The following CUX2 variants were observed in gnomAD, a reference collection of about 807,000 sequenced individuals.
The protein encoded by CUX2 is cut like homeobox 2.
Under a neutral mutation model 144.8 loss-of-function variants are expected in CUX2, and 40 were observed. The ratio of observed to expected loss-of-function variants is 0.28; its 90% CI spans 0.21 to 0.36. The LOEUF (loss-of-function observed/expected upper bound fraction) is 0.36, where lower values mean the gene tolerates loss of function less well. CUX2 is among the 10% of genes least tolerant of loss of function. The pLI is 1.00. For missense variants in CUX2, 1,615 were observed against 1,994.0 expected (o/e 0.81, Z 3.62); for synonymous variants, 827 against 875.6 (o/e 0.94, Z 0.98).
intron 1 of CUX2, among the ~76,000 whole-genome samples, chr12:111,192,916 G>A (rs1566286197): frequency 6.6e-6 from 1 of 152,224 alleles, no homozygotes; most frequent in Non-Finnish European, 1.5e-5. Flanking sequence ...CTTTAAACAT[G>A]TCTCAGTTTT....
intron 19 of CUX2, among the ~76,000 whole-genome samples, chr12:111,335,572 G>A (rs1228715832): frequency 1.3e-5 from 2 of 151,934 alleles, no homozygotes; most frequent in Non-Finnish European, 1.5e-5. Context: ...GTAGCCGGGT[G>A]TGGTGGCATG....
Position 111,255,048 on chromosome 12 carries a change from G to A in CUX2, c.223-8713G>A, listed in dbSNP as rs945009255. On this transcript the variant is annotated intron_variant, in intron 3 of 21. Coordinates refer to ENST00000261726, the MANE Select transcript of CUX2 (RefSeq NM_015267.4). The surrounding 1 kb of genome is among the most constrained non-coding windows in gnomAD (Gnocchi z 4.1). ...AGACGGGGTTTCACATGTTGGCCAG[G>A]CTGGTCTCGAACTCCTGACCACAGA... Among the ~76,000 whole-genome samples, 5 of 152,168 alleles carry A rather than the reference G, an allele frequency of 3.3e-5. No individual in the cohort carries two copies. The highest frequency in any genetic ancestry group is 1.2e-4 in the African/African-American group (5 of 41,432).
rs765553446 is a variant in CUX2 at position 111,334,434 on chromosome 12, C to T, written c.2927-7C>T. ...GTAACCACCTTCTCTTTCTCTGTGG[C>T]CCACAGCCAGTCCCACAGAACCAAG... On this transcript the variant is annotated splice_polypyrimidine_tract_variant and splice_region_variant and intron_variant, in intron 18 of 21. Coordinates refer to ENST00000261726, the MANE Select transcript of CUX2 (RefSeq NM_015267.4). The T allele has an allele frequency of 2.5e-6, 4 of 1,575,476 alleles. No individual in the cohort carries two copies. The highest frequency in any genetic ancestry group is 1.7e-6 in the Non-Finnish European group (2 of 1,161,514).
chr12:111,199,339 C>T (rs1252839309), intron 1 of CUX2, among the ~76,000 whole-genome samples: 2 of 152,186 alleles, frequency 1.3e-5, no homozygotes, highest in East Asian at 3.8e-4. Flanking sequence ...TTCTGTACTT[C>T]AGTACTACTC....
intron 1 of CUX2, among the ~76,000 whole-genome samples, chr12:111,188,743 C>A (rs547775888): frequency 1.3e-5 from 2 of 152,118 alleles, no homozygotes; most frequent in African/African-American, 4.8e-5. Flanking sequence ...TGGGAAGTCA[C>A]CCCTCTTGTC....
intron 1 of CUX2, among the ~76,000 whole-genome samples, chr12:111,065,219 A>C (rs551141091): frequency 6.6e-6 from 1 of 152,376 alleles, no homozygotes; most frequent in African/African-American, 2.4e-5. Context: ...ACAATGACTT[A>C]ACTCTGCCTT....
chr12:111,145,368 C>G (rs1470931839), intron 1 of CUX2, among the ~76,000 whole-genome samples: 1 of 152,198 alleles, frequency 6.6e-6, no homozygotes, highest in Non-Finnish European at 1.5e-5. Flanking sequence ...AAGCTTCATT[C>G]ATTTATCCAT....
chr12:111,228,256 G>A (rs1464964581), intron 3 of CUX2, among the ~76,000 whole-genome samples: 1 of 152,200 alleles, frequency 6.6e-6, no homozygotes, highest in South Asian at 2.1e-4. Context: ...AGACTGCCTG[G>A]GTTCAACTCC....
At chr12:111,271,596 T>TA (rs1884652603) in intron 4 of CUX2, among the ~76,000 whole-genome samples, 1 of 152,138 alleles carries the variant, frequency 6.6e-6, no homozygotes, top group Non-Finnish European at 1.5e-5. Flanking sequence ...AGAAGAAAAT[T>TA]TGGGAAGGAA....
At chr12:111,214,369 C>A in intron 2 of CUX2, 59 bp downstream of exon 2, 1 of 1,037,898 alleles carries the variant, frequency 9.6e-7, no homozygotes, top group Non-Finnish European at 1.4e-6. Context: ...TCTCTCCATT[C>A]AAACTATATT....
intron 3 of CUX2, among the ~76,000 whole-genome samples, chr12:111,259,269 G>T (rs1356411558): frequency 2.0e-5 from 3 of 152,042 alleles, no homozygotes; most frequent in Non-Finnish European, 4.4e-5. Context: ...CTAAAGCAAG[G>T]ATCAGCTAAC....
chr12:111,134,624 G>C (rs868340532), intron 1 of CUX2, among the ~76,000 whole-genome samples: 10 of 145,694 alleles, frequency 6.9e-5, no homozygotes, highest in African/African-American at 2.3e-4. Context: ...CTCTCTCTGT[G>C]TGTGTGTGTG....
chr12:111,249,604 G>A (rs991241399), intron 3 of CUX2, among the ~76,000 whole-genome samples: 2 of 151,438 alleles, frequency 1.3e-5, no homozygotes, highest in African/African-American at 4.9e-5. Flanking sequence ...TCACAGGCAC[G>A]CGACACCATG....
intron 8 of CUX2, among the ~76,000 whole-genome samples, chr12:111,297,007 GGCCTTCTCCCTCTGACCCTCCCAGACAC>G (rs1886037717): frequency 1.5e-5 from 2 of 131,924 alleles, no homozygotes; most frequent in Non-Finnish European, 3.2e-5. Context: ...GGCCCTCTCA[GGCCTTCTCCCTCTGACCCTCCCAGACAC>G]GCCTCCTCCC....
intron 1 of CUX2, among the ~76,000 whole-genome samples, chr12:111,145,147 C>T (rs1357692388): frequency 1.3e-5 from 2 of 152,216 alleles, no homozygotes. Context: ...GGCACAGGGA[C>T]AGAAGGGCCT....
chr12:111,265,706 A>C (rs1884352518), intron 4 of CUX2, among the ~76,000 whole-genome samples: 1 of 152,072 alleles, frequency 6.6e-6, no homozygotes, highest in Non-Finnish European at 1.5e-5. Context: ...ACCCAGAAAC[A>C]GGAGCCCAAA....
At chr12:111,120,190 G>A (rs557251147) in intron 1 of CUX2, among the ~76,000 whole-genome samples, 1 of 152,182 alleles carries the variant, frequency 6.6e-6, no homozygotes, top group East Asian at 1.9e-4. Flanking sequence ...AATTCTATGA[G>A]GACAGCAACT....
At chr12:111,336,803 A>G (rs1295726738) in intron 19 of CUX2, among the ~76,000 whole-genome samples, 1 of 152,038 alleles carries the variant, frequency 6.6e-6, no homozygotes, top group Non-Finnish European at 1.5e-5. Context: ...ATAAGAACAT[A>G]TATACACTTA....
intron 18 of CUX2, among the ~76,000 whole-genome samples, chr12:111,325,144 A>G (rs75300257): frequency 1.3e-5 from 2 of 150,400 alleles, no homozygotes; most frequent in Non-Finnish European, 3.0e-5. Flanking sequence ...AAAAAAAAAA[A>G]TTATCCGGGC....
Sources: allele counts gnomAD v4.1 joint callset (sites outside exome capture counted in the v4.1 genomes callset), GRCh38; gene constraint gnomAD v4.1.1; non-coding constraint Gnocchi (gnomAD v3.1); transcripts MANE v1.5; gene names NCBI Gene and HGNC (gene_info 2026-07-23, HGNC 2026-07-21).